The following CSMD1 variants were observed in gnomAD, a reference collection of about 807,000 sequenced individuals.
CSMD1 encodes CUB and Sushi multiple domains 1, also known as CUB and sushi domain-containing protein 1.
Under a neutral mutation model 417.5 loss-of-function variants are expected in CSMD1, and 213 were observed. The observed-to-expected ratio is 0.51, with a 90% confidence interval of 0.46 to 0.57. The LOEUF (loss-of-function observed/expected upper bound fraction) is 0.57. CSMD1 is among the 20% of genes least tolerant of loss of function. The pLI, the probability that CSMD1 is intolerant of heterozygous loss-of-function variation, is 0.00. For synonymous variants in CSMD1, 2,862 were observed against 1,736.8 expected (o/e 1.65, Z -16.11); for missense variants, 6,923 against 4,529.7 (o/e 1.53, Z -15.17).
chr8:4,348,107 C>T (rs574720661), intron 3 of CSMD1, among the ~76,000 whole-genome samples: 1 of 152,108 alleles, frequency 6.6e-6, no homozygotes, highest in Non-Finnish European at 1.5e-5. Flanking sequence ...GAATGCTTGG[C>T]TAACTACCAG....
At chr8:4,592,149 C>A (rs891962861) in intron 2 of CSMD1, among the ~76,000 whole-genome samples, 1 of 151,494 alleles carries the variant, frequency 6.6e-6, no homozygotes, top group East Asian at 1.9e-4. Context: ...ATAACATTTG[C>A]CAATTTCTGT....
intron 23 of CSMD1, among the ~76,000 whole-genome samples, chr8:3,334,848 TG>T (rs1807148231): frequency 6.6e-6 from 1 of 152,352 alleles, no homozygotes; most frequent in African/African-American, 2.4e-5. Context: ...AGATCCACAC[TG>T]CAGGTGGCAG....
chr8:3,107,663 G>A (rs1191955470), intron 45 of CSMD1, 55 bp downstream of exon 45: 3 of 935,664 alleles, frequency 3.2e-6, no homozygotes, highest in African/African-American at 1.7e-5. Flanking sequence ...AATGAGAAGT[G>A]GGTGTAAAAA....
intron 1 of CSMD1, among the ~76,000 whole-genome samples, chr8:4,806,234 G>T (rs567953375): frequency 6.6e-6 from 1 of 152,128 alleles, no homozygotes; most frequent in Non-Finnish European, 1.5e-5. Context: ...CAAACCTATA[G>T]CTTACTGAGG....
intron 1 of CSMD1, among the ~76,000 whole-genome samples, chr8:4,855,539 C>G (rs1468577337): frequency 6.6e-6 from 1 of 151,960 alleles, no homozygotes; most frequent in Admixed American, 6.5e-5. Flanking sequence ...GAATGTATAA[C>G]TAGAATAACC....
At chr8:4,128,273 G>A (rs879614791) in intron 3 of CSMD1, among the ~76,000 whole-genome samples, 3 of 152,144 alleles carry the variant, frequency 2.0e-5, no homozygotes, top group Admixed American at 1.3e-4. Flanking sequence ...GAATGCATGA[G>A]TAAGAATGAT....
At chr8:4,885,993 A>T (rs55752430) in intron 1 of CSMD1, among the ~76,000 whole-genome samples, 6 of 150,052 alleles carry the variant, frequency 4.0e-5, no homozygotes, top group African/African-American at 9.7e-5. Context: ...TTATTTACTT[A>T]TTTATTTACT....
chr8:4,230,237 C>T (rs968595947), intron 3 of CSMD1, among the ~76,000 whole-genome samples: 19 of 152,086 alleles, frequency 1.2e-4, no homozygotes, highest in African/African-American at 2.9e-4. Flanking sequence ...GTTTGTGTTG[C>T]TCTACAATAG....
At chr8:3,336,078 A>T (rs1807243211) in intron 23 of CSMD1, among the ~76,000 whole-genome samples, 1 of 152,208 alleles carries the variant, frequency 6.6e-6, no homozygotes, top group Non-Finnish European at 1.5e-5. Flanking sequence ...AACTGAAGTT[A>T]GAAAAAAATC....
At chr8:3,056,410 C>T (rs1000521074) in intron 49 of CSMD1, among the ~76,000 whole-genome samples, 2 of 152,216 alleles carry the variant, frequency 1.3e-5, no homozygotes, top group African/African-American at 4.8e-5. Flanking sequence ...CGCTGTCACT[C>T]AGGCTGCAGT....
intron 3 of CSMD1, among the ~76,000 whole-genome samples, chr8:4,253,230 C>A (rs1016380610): frequency 6.6e-6 from 1 of 152,076 alleles, no homozygotes; most frequent in Non-Finnish European, 1.5e-5. Context: ...CATTCATGGC[C>A]CAGATAAAAT....
chr8:3,271,326 C>T (rs1052617387), intron 26 of CSMD1, among the ~76,000 whole-genome samples: 10 of 152,018 alleles, frequency 6.6e-5, no homozygotes, highest in African/African-American at 2.4e-4. Flanking sequence ...TCCAGTCTAT[C>T]ATTGTTGGAC....
intron 5 of CSMD1, among the ~76,000 whole-genome samples, chr8:3,947,557 A>G (rs569908001): frequency 2.8e-4 from 42 of 152,330 alleles, no homozygotes; most frequent in Middle Eastern, 6.8e-3. Flanking sequence ...AAAGCTCCTT[A>G]TATTTGGAAA....
intron 8 of CSMD1, among the ~76,000 whole-genome samples, chr8:3,601,215 C>A (rs750670520): frequency 3.3e-5 from 5 of 152,134 alleles, no homozygotes; most frequent in Non-Finnish European, 5.9e-5. Flanking sequence ...TCATTGGCCT[C>A]ACATCTTTAT....
chr8:4,913,656 G>A (rs958848433), intron 1 of CSMD1, among the ~76,000 whole-genome samples: 1 of 152,142 alleles, frequency 6.6e-6, no homozygotes, highest in Non-Finnish European at 1.5e-5. Context: ...TCAACCAGAT[G>A]TACTGTGCAG....
At chr8:3,229,835 C>T (rs573827132) in intron 27 of CSMD1, among the ~76,000 whole-genome samples, 1 of 152,090 alleles carries the variant, frequency 6.6e-6, no homozygotes, top group South Asian at 2.1e-4. Flanking sequence ...ATTACTGTAC[C>T]TTAAGGGGAT....
chr8:4,132,092 G>T (rs1033622809), intron 3 of CSMD1, among the ~76,000 whole-genome samples: 1 of 151,510 alleles, frequency 6.6e-6, no homozygotes, highest in African/African-American at 2.4e-5. Flanking sequence ...AACAGGTAAA[G>T]AATCACATAT....
At chr8:3,549,923 T>G (rs56290571) in intron 10 of CSMD1, among the ~76,000 whole-genome samples, 1 of 152,038 alleles carries the variant, frequency 6.6e-6, no homozygotes, top group African/African-American at 2.4e-5. Flanking sequence ...AGCAGATTTA[T>G]TGAAAGAAAA....
At chr8:4,942,891 G>A (rs1024936209) in intron 1 of CSMD1, among the ~76,000 whole-genome samples, 1 of 152,212 alleles carries the variant, frequency 6.6e-6, no homozygotes, top group Non-Finnish European at 1.5e-5. Flanking sequence ...AAGCTTTTTG[G>A]AAAGATATAA....
Sources: gnomAD v4.1 joint callset for allele counts (sites outside exome capture counted in the v4.1 genomes callset) on GRCh38, gnomAD v4.1.1 for gene constraint, MANE v1.5 for transcripts, NCBI Gene and HGNC (gene_info 2026-07-23, HGNC 2026-07-21) for gene names.